CSMD1: variants seen among roughly 807,000 people sequenced by gnomAD.
CSMD1 encodes CUB and Sushi multiple domains 1, also known as CUB and sushi domain-containing protein 1.
In CSMD1, 213 loss-of-function variants were observed where a neutral mutation model predicts 417.5. That is an observed-to-expected ratio of 0.51 (90% CI 0.46 to 0.57). The LOEUF (loss-of-function observed/expected upper bound fraction) is 0.57. CSMD1 is among the 20% of genes least tolerant of loss of function. CSMD1 has a pLI of 0.00. For missense variants in CSMD1, 6,923 were observed against 4,529.7 expected (o/e 1.53, Z -15.17); for synonymous variants, 2,862 against 1,736.8 (o/e 1.65, Z -16.11).
At chr8:4,257,631 T>C (rs2128837423) in intron 3 of CSMD1, among the ~76,000 whole-genome samples, 1 of 152,330 alleles carries the variant, frequency 6.6e-6, no homozygotes, top group Middle Eastern at 3.4e-3. Flanking sequence ...TCCTACTGTT[T>C]CAGGAAATAC....
chr8:3,593,653 G>T (rs1192260636), intron 8 of CSMD1, among the ~76,000 whole-genome samples: 2 of 152,180 alleles, frequency 1.3e-5, no homozygotes, highest in East Asian at 3.9e-4. Flanking sequence ...CAGACAAAAT[G>T]AGGATCCCAC....
intron 3 of CSMD1, among the ~76,000 whole-genome samples, chr8:4,283,312 G>C (rs112980033): frequency 4.1e-4 from 63 of 152,114 alleles, no homozygotes; most frequent in African/African-American, 1.5e-3. Flanking sequence ...TTATTGATTT[G>C]TAGCTTCAGT....
chr8:4,864,842 T>G (rs567692669), intron 1 of CSMD1, among the ~76,000 whole-genome samples: 12 of 149,122 alleles, frequency 8.0e-5, no homozygotes, highest in Non-Finnish European at 1.3e-4. Flanking sequence ...TTTAAAGTAA[T>G]TGGCCTAATA....
intron 2 of CSMD1, among the ~76,000 whole-genome samples, chr8:4,516,100 G>A (rs182157757): frequency 3.6e-3 from 553 of 152,156 alleles, no homozygotes; most frequent in Middle Eastern, 0.02. Flanking sequence ...TGACTGTACC[G>A]GGGGCTGAGT....
chr8:4,012,186 G>A (rs961057108), intron 4 of CSMD1, among the ~76,000 whole-genome samples: 1 of 151,972 alleles, frequency 6.6e-6, no homozygotes, highest in Admixed American at 6.6e-5. Flanking sequence ...AGTAAACAGG[G>A]CTGACTGTAT....
chr8:3,540,202 T>A (rs140891875), intron 10 of CSMD1, among the ~76,000 whole-genome samples: 2 of 152,320 alleles, frequency 1.3e-5, no homozygotes, highest in East Asian at 3.9e-4. Context: ...CTTATTCCAA[T>A]GTTTTAGGCT....
intron 1 of CSMD1, among the ~76,000 whole-genome samples, chr8:4,876,101 G>C (rs1028818732): frequency 4.6e-5 from 7 of 152,020 alleles, no homozygotes; most frequent in Non-Finnish European, 8.8e-5. Context: ...AAAAAGTACA[G>C]TAAGTTCAGC....
intron 3 of CSMD1, among the ~76,000 whole-genome samples, chr8:4,046,616 T>C (rs1798160388): frequency 8.2e-6 from 1 of 121,694 alleles, no homozygotes; most frequent in Non-Finnish European, 1.9e-5. Flanking sequence ...TGTTGAGTCT[T>C]GATAATTCCA....
intron 7 of CSMD1, among the ~76,000 whole-genome samples, chr8:3,644,293 G>A (rs568939825): frequency 1.3e-5 from 2 of 152,204 alleles, no homozygotes; most frequent in African/African-American, 4.8e-5. Flanking sequence ...CAACAACACT[G>A]CCTGTGATCA....
chr8:3,290,583 A>G (rs1271216053), intron 25 of CSMD1, among the ~76,000 whole-genome samples: 1 of 146,546 alleles, frequency 6.8e-6, no homozygotes, highest in Non-Finnish European at 1.5e-5. Context: ...TTCTCTTTGA[A>G]GCAATTGTGA....
intron 7 of CSMD1, among the ~76,000 whole-genome samples, chr8:3,664,185 C>A (rs1420549250): frequency 6.6e-6 from 1 of 152,118 alleles, no homozygotes; most frequent in Non-Finnish European, 1.5e-5. Context: ...CTACCCTAGA[C>A]CCCCACCCCA....
chr8:4,889,954 C>G (rs1803998359), intron 1 of CSMD1, among the ~76,000 whole-genome samples: 1 of 152,122 alleles, frequency 6.6e-6, no homozygotes, highest in Admixed American at 6.5e-5. Flanking sequence ...AATGTATGAC[C>G]TTTCAACTAC....
At chr8:4,469,383 C>A (rs74684952) in intron 2 of CSMD1, among the ~76,000 whole-genome samples, 1 of 152,146 alleles carries the variant, frequency 6.6e-6, no homozygotes, top group Non-Finnish European at 1.5e-5. Context: ...AGGTGCAAAA[C>A]GGCTGGTGTC....
At chr8:3,837,805 G>A (rs1464595390) in intron 5 of CSMD1, among the ~76,000 whole-genome samples, 1 of 152,076 alleles carries the variant, frequency 6.6e-6, no homozygotes, top group African/African-American at 2.4e-5. Flanking sequence ...CACTGACAAA[G>A]AACCAGTGCT....
chr8:3,041,806 C>A (rs58574706), intron 50 of CSMD1, among the ~76,000 whole-genome samples: 31,979 of 152,108 alleles, frequency 0.21, 4,155 homozygotes, highest in East Asian at 0.45. Context: ...TTCTTTCTGG[C>A]AGCCATCAAA....
At chr8:3,979,097 G>T (rs1813657922) in intron 5 of CSMD1, among the ~76,000 whole-genome samples, 1 of 152,230 alleles carries the variant, frequency 6.6e-6, no homozygotes, top group South Asian at 2.1e-4. Flanking sequence ...ACAGTAGCCA[G>T]TGCATTTAGA....
chr8:4,345,553 C>G (rs557949552), intron 3 of CSMD1, among the ~76,000 whole-genome samples: 62 of 152,130 alleles, frequency 4.1e-4, no homozygotes, highest in Non-Finnish European at 4.4e-5. Flanking sequence ...ATATGCAAAT[C>G]ACTCATCGGA....
intron 5 of CSMD1, among the ~76,000 whole-genome samples, chr8:3,974,253 A>C (rs1042908345): frequency 6.6e-6 from 1 of 151,878 alleles, no homozygotes; most frequent in African/African-American, 2.4e-5. Context: ...ATTATCTTAA[A>C]TAATTATTTT....
At chr8:3,326,151 T>C (rs1806516668) in intron 23 of CSMD1, among the ~76,000 whole-genome samples, 1 of 152,200 alleles carries the variant, frequency 6.6e-6, no homozygotes, top group African/African-American at 2.4e-5. Flanking sequence ...AGTGGGACGT[T>C]CGACAACATC....
Sources: allele counts gnomAD v4.1 joint callset (sites outside exome capture counted in the v4.1 genomes callset), GRCh38; gene constraint gnomAD v4.1.1; transcripts MANE v1.5; gene names NCBI Gene and HGNC (gene_info 2026-07-23, HGNC 2026-07-21).